SLC10A7: variants seen among roughly 807,000 people sequenced by gnomAD.
The protein encoded by SLC10A7 is sodium/bile acid cotransporter 7.
SLC10A7 carries 29 observed loss-of-function variants against 43.2 expected under a neutral mutation model. That is an observed-to-expected ratio of 0.67 (90% confidence interval 0.50 to 0.92). The LOEUF (loss-of-function observed/expected upper bound fraction) is 0.92, where lower values mean the gene tolerates loss of function less well. Ranked by LOEUF, SLC10A7 falls within the 40% of genes least tolerant of loss-of-function variation. The pLI, the probability that SLC10A7 is intolerant of heterozygous loss-of-function variation, is 0.00. For missense variants in SLC10A7, 295 were observed against 403.2 expected, an observed-to-expected ratio of 0.73 and a Z score of 2.30; for synonymous variants, 152 against 144.8, an observed-to-expected ratio of 1.05 and a Z score of -0.35.
intron 7 of SLC10A7, among the ~76,000 whole-genome samples, chr4:146,302,190 A>G (rs1456689505): frequency 6.6e-6 from 1 of 152,222 alleles, no homozygotes; most frequent in Admixed American, 6.5e-5. Flanking sequence ...TATTAGATGG[A>G]ATTATTTTCA....
intron 5 of SLC10A7, among the ~76,000 whole-genome samples, chr4:146,431,416 T>G (rs1416036787): frequency 2.0e-5 from 3 of 152,158 alleles, no homozygotes; most frequent in African/African-American, 7.2e-5. Flanking sequence ...GCTTTGCTTT[T>G]CAACATACAC....
chr4:146,484,371 G>T (rs1734743174), intron 4 of SLC10A7, among the ~76,000 whole-genome samples: 1 of 152,058 alleles, frequency 6.6e-6, no homozygotes, highest in Admixed American at 6.5e-5. Context: ...TTTTTTAAGT[G>T]AATAAATCAA....
chr4:146,504,260 C>T (rs1736688089), intron 3 of SLC10A7, among the ~76,000 whole-genome samples: 1 of 151,862 alleles, frequency 6.6e-6, no homozygotes, highest in African/African-American at 2.4e-5. Flanking sequence ...TGGCTCACGC[C>T]TGTAATCCCA....
At chr4:146,336,799 C>T (rs181081809) in intron 5 of SLC10A7, among the ~76,000 whole-genome samples, 1 of 151,990 alleles carries the variant, frequency 6.6e-6, no homozygotes, top group East Asian at 1.9e-4. Flanking sequence ...GGGTTTAGGG[C>T]TCTAATATCT....
At chr4:146,334,731 G>A (rs1733760575) in intron 5 of SLC10A7, among the ~76,000 whole-genome samples, 1 of 151,640 alleles carries the variant, frequency 6.6e-6, no homozygotes, top group Admixed American at 6.6e-5. Context: ...ACAGCAGAGG[G>A]TAGGTATCTC....
chr4:146,326,681 C>T (rs1434170369), intron 5 of SLC10A7, among the ~76,000 whole-genome samples: 3 of 152,110 alleles, frequency 2.0e-5, no homozygotes, highest in Non-Finnish European at 4.4e-5. Flanking sequence ...TTTTAGGTTT[C>T]TTGAAGGCAA....
At chr4:146,426,570 G>A (rs1329528635) in intron 5 of SLC10A7, among the ~76,000 whole-genome samples, 2 of 152,122 alleles carry the variant, frequency 1.3e-5, no homozygotes, top group South Asian at 2.1e-4. Flanking sequence ...CTTCTAGTTT[G>A]TATTTTTAAA....
chr4:146,521,746 T>C lies in SLC10A7; in HGVS notation c.-29A>G, dbSNP rs1167280302. The C allele has an allele frequency of 1.3e-6, 2 of 1,583,148 alleles. No individual in the cohort carries two copies. The highest frequency in any genetic ancestry group is 1.4e-5 in the African/African-American group (1 of 74,072). ...TGTTAGGGTGGGTGGGTTTTGTTTATTTGTTTGGCTTTTTTTCTTTTCAAG... is the reference window on the plus strand; with the variant it reads ...TGTTAGGGTGGGTGGGTTTTGTTTACTTGTTTGGCTTTTTTTCTTTTCAAG... On this transcript the variant is annotated 5_prime_UTR_variant, in exon 1 of 12. Coordinates refer to ENST00000335472, the MANE Select transcript of SLC10A7 (RefSeq NM_001029998.6).
intron 8 of SLC10A7, among the ~76,000 whole-genome samples, chr4:146,293,308 T>C (rs945253750): frequency 2.0e-5 from 3 of 152,196 alleles, no homozygotes; most frequent in Admixed American, 1.3e-4. Context: ...TGCAGTAGCA[T>C]ACAATATACT....
At chr4:146,451,985 C>A (rs1452674661) in intron 4 of SLC10A7, among the ~76,000 whole-genome samples, 1 of 152,034 alleles carries the variant, frequency 6.6e-6, no homozygotes, top group African/African-American at 2.4e-5. Context: ...TACCTCCAGG[C>A]ATCTTGGTAT....
chr4:146,459,748 T>C (rs531752545), intron 4 of SLC10A7, among the ~76,000 whole-genome samples: 1 of 151,818 alleles, frequency 6.6e-6, no homozygotes, highest in Non-Finnish European at 1.5e-5. Flanking sequence ...TCTTTGTGAC[T>C]CTGGATTAGG....
intron 4 of SLC10A7, among the ~76,000 whole-genome samples, chr4:146,468,630 C>T (rs1422264359): frequency 6.6e-6 from 1 of 151,858 alleles, no homozygotes; most frequent in Non-Finnish European, 1.5e-5. Flanking sequence ...CCACCACACC[C>T]GGCTAATTTT....
At chr4:146,366,332 C>T (rs964774742) in intron 5 of SLC10A7, among the ~76,000 whole-genome samples, 3 of 152,186 alleles carry the variant, frequency 2.0e-5, no homozygotes, top group African/African-American at 7.2e-5. Context: ...ACCTTACATT[C>T]TGTAGCAGGA....
chr4:146,435,775 T>C lies in SLC10A7; in HGVS notation c.435+7008A>G, dbSNP rs1171119355. Among the ~76,000 whole-genome samples, 9 of 152,270 alleles carry C rather than the reference T, an allele frequency of 5.9e-5. No individual in the cohort carries two copies. The East Asian group carries it at 9.6e-4, about 16-fold the overall frequency. On this transcript the variant is annotated intron_variant, in intron 5 of 11. Transcript: ENST00000335472. ...GTAGGCTGGATTCAAATTAAGGAAA[T>C]TTAATTTTTATTTTAAACAACTGCT...
At chr4:146,256,887 C>A in intron 11 of SLC10A7, 1 of 1,536,336 alleles carries the variant, frequency 6.5e-7, no homozygotes, top group Non-Finnish European at 8.7e-7. Flanking sequence ...ATATTCCAAG[C>A]CTTCTGGATT....
At chr4:146,259,568 T>C (rs1370551337) in intron 10 of SLC10A7, among the ~76,000 whole-genome samples, 1 of 152,222 alleles carries the variant, frequency 6.6e-6, no homozygotes, top group Non-Finnish European at 1.5e-5. Flanking sequence ...ATCACTGCAC[T>C]CCAGCCTAGG....
chr4:146,298,817 C>T lies in SLC10A7; in HGVS notation c.556-4722G>A, dbSNP rs527627394. Among the ~76,000 whole-genome samples the T allele has an allele frequency of 3.5e-4, 53 of 152,258 alleles. 1 individual carries two copies. The highest frequency in any genetic ancestry group is 1.2e-3 in the African/African-American group (51 of 41,548). On this transcript the variant is annotated intron_variant, in intron 7 of 11. Coordinates refer to ENST00000335472, the MANE Select transcript of SLC10A7 (RefSeq NM_001029998.6). ...AAAGACTAATCTTATCTCACAGAGT[C>T]GTAACACCTTCAGGGTAGAAGATAC...
intron 4 of SLC10A7, among the ~76,000 whole-genome samples, chr4:146,475,202 A>G (rs1208777097): frequency 1.3e-5 from 2 of 152,140 alleles, no homozygotes; most frequent in African/African-American, 4.8e-5. Context: ...ATTTTTCCCC[A>G]GGCAAAATCC....
chr4:146,367,359 T>TA (rs1481767979), intron 5 of SLC10A7, among the ~76,000 whole-genome samples: 2 of 152,206 alleles, frequency 1.3e-5, no homozygotes, highest in East Asian at 3.8e-4. Flanking sequence ...CAAAAGCCAC[T>TA]AGCCACATGT....
Sources: gnomAD v4.1 joint callset for allele counts (sites outside exome capture counted in the v4.1 genomes callset) on GRCh38, gnomAD v4.1.1 for gene constraint, MANE v1.5 for transcripts, NCBI Gene and HGNC (gene_info 2026-07-23, HGNC 2026-07-21) for gene names.